LOXL2: variants seen among roughly 807,000 people sequenced by gnomAD.
LOXL2 encodes lysyl oxidase homolog 2.
A neutral mutation model predicts 93.0 loss-of-function variants in LOXL2; 70 were observed. That is an observed-to-expected ratio of 0.75 (90% CI 0.62 to 0.92). The LOEUF is 0.92. Ranked by LOEUF, LOXL2 falls within the 40% of genes least tolerant of loss-of-function variation. The pLI, the probability that LOXL2 is intolerant of heterozygous loss-of-function variation, is 0.00. For missense variants in LOXL2, 973 were observed against 1,054.9 expected, an observed-to-expected ratio of 0.92 and a Z score of 1.08; for synonymous variants, 438 against 413.2, an observed-to-expected ratio of 1.06 and a Z score of -0.73.
chr8:23,316,126 GT>G (rs1803397990), intron 9 of LOXL2, among the ~76,000 whole-genome samples: 1 of 152,212 alleles, frequency 6.6e-6, no homozygotes, highest in African/African-American at 2.4e-5. Context: ...CGCAGCTGCT[GT>G]TCAATCCCGC....
chr8:23,387,181 G>C (rs1364571311), intron 1 of LOXL2, among the ~76,000 whole-genome samples: 1 of 152,196 alleles, frequency 6.6e-6, no homozygotes, highest in East Asian at 1.9e-4. Flanking sequence ...CCCCAATATG[G>C]TCTCACTGGG....
At chr8:23,346,128 A>T (rs1372184979) in intron 3 of LOXL2, among the ~76,000 whole-genome samples, 1 of 37,986 alleles carries the variant, frequency 2.6e-5, no homozygotes, top group Non-Finnish European at 4.6e-5. Context: ...AAAATAAAAT[A>T]AAATAAAATA....
At chr8:23,396,073 C>T (rs569112894) in intron 1 of LOXL2, among the ~76,000 whole-genome samples, 5 of 152,080 alleles carry the variant, frequency 3.3e-5, no homozygotes, top group Non-Finnish European at 4.4e-5. Context: ...CCTGTAATTC[C>T]AGCACTTTGG....
intron 1 of LOXL2, among the ~76,000 whole-genome samples, chr8:23,396,894 G>C (rs910428055): frequency 6.6e-6 from 1 of 152,146 alleles, no homozygotes; most frequent in African/African-American, 2.4e-5. Flanking sequence ...TCCATAACAG[G>C]CATTTGTACA....
At chr8:23,340,299 G>T (rs1319421391) in intron 4 of LOXL2, among the ~76,000 whole-genome samples, 1 of 152,174 alleles carries the variant, frequency 6.6e-6, no homozygotes, top group Non-Finnish European at 1.5e-5. Context: ...TCATTATTAA[G>T]AGGAGGGAGG....
At position 23,368,287 on chromosome 8, in the gene LOXL2, AG is replaced by A; in HGVS notation, c.64del (p.Leu22Ter). On this transcript the variant is annotated frameshift_variant, in exon 2 of 14. Coordinates refer to ENST00000389131, the MANE Select transcript of LOXL2 (RefSeq NM_002318.3). LOFTEE classifies it high-confidence loss of function. ...CCAGCTGTCATACTGTGCCAGGCTC[AG>A]GGGGGACAGGAGGGCCAGCATAGCC... ...CLAMLALLSP[L>X]SLAQYDSWPH... 1 of 1,613,530 alleles carries A rather than the reference AG, an allele frequency of 6.2e-7. No individual in the cohort carries two copies.
At position 23,341,216 on chromosome 8, in the gene LOXL2, A is replaced by T. The variant is rs1213835650; in HGVS notation, c.532-13T>A. The T allele has an allele frequency of 6.2e-7, 1 of 1,605,404 alleles. No homozygotes were observed. Among genetic ancestry groups the T allele is most frequent in the Non-Finnish European group, 8.5e-7 (1 of 1,173,540 alleles). ...GGATATTCAGGTTCTGGGAAGAAAG[A>T]GGCGTGGAAGGAGAGGGTTACCCTA... On this transcript the variant is annotated splice_polypyrimidine_tract_variant and intron_variant, in intron 3 of 13. Transcript: ENST00000389131.
At chr8:23,306,787 T>G (rs1234038946) in intron 10 of LOXL2, among the ~76,000 whole-genome samples, 1 of 152,276 alleles carries the variant, frequency 6.6e-6, no homozygotes, top group Non-Finnish European at 1.5e-5. Context: ...GAGCCTGTTG[T>G]GCATCTGTGC....
At chr8:23,340,219 G>A (rs561310419) in intron 4 of LOXL2, among the ~76,000 whole-genome samples, 3 of 152,148 alleles carry the variant, frequency 2.0e-5, no homozygotes, top group Non-Finnish European at 2.9e-5. Context: ...GTGGTGGTGC[G>A]AGGATTAAAT....
Position 23,319,951 on chromosome 8 carries a change from C to A in LOXL2, c.1404G>T (p.Trp468Cys). The change falls in exon 8 of 14, where the codon TGG (tryptophan) becomes TGT (cysteine). Residue 468 changes from tryptophan (W) to cysteine (C), a missense_variant. Transcript: ENST00000389131. The part of the protein sequence containing the change: ...LVWGMVCGQN[W>C]GIVEAMVVCR... ...AGACCACCATGGCCTCCACGATGCC[C>A]CAGTTTTGGCCACACACCATCCCCC... 1 of 1,614,080 alleles carries A rather than the reference C, an allele frequency of 6.2e-7. No individual in the cohort carries two copies. Among genetic ancestry groups the A allele is most frequent in the Non-Finnish European group, 8.5e-7 (1 of 1,179,974 alleles).
chr8:23,339,540 G>T (rs1803847039), intron 4 of LOXL2, among the ~76,000 whole-genome samples: 1 of 152,232 alleles, frequency 6.6e-6, no homozygotes, highest in Non-Finnish European at 1.5e-5. Context: ...TTGGGAGATG[G>T]CTTCCAAACG....
chr8:23,314,219 G>C (rs1301706875), intron 9 of LOXL2, among the ~76,000 whole-genome samples: 1 of 150,094 alleles, frequency 6.7e-6, no homozygotes, highest in Non-Finnish European at 1.5e-5. Context: ...TTCAACCATT[G>C]TGGAAGTCAG....
At chr8:23,319,385 G>A (rs1803456407) in intron 8 of LOXL2, among the ~76,000 whole-genome samples, 1 of 152,136 alleles carries the variant, frequency 6.6e-6, no homozygotes, top group African/African-American at 2.4e-5. Context: ...GACAAGGCTT[G>A]GAGATTCCCT....
chr8:23,329,822 G>T (rs1003669069), intron 5 of LOXL2, among the ~76,000 whole-genome samples: 4 of 152,176 alleles, frequency 2.6e-5, no homozygotes, highest in Admixed American at 2.0e-4. Context: ...AAGCATTCAT[G>T]TCCACCAGCT....
At chr8:23,402,231 GCACA>G (rs61591482) in intron 1 of LOXL2, among the ~76,000 whole-genome samples, 30,312 of 151,786 alleles carry the variant, frequency 0.2, 3,168 homozygotes, top group East Asian at 0.31. Flanking sequence ...ACACACCGGT[GCACA>G]CACATACACA....
rs1227335251 is a variant in LOXL2 at position 23,325,571 on chromosome 8, CGT to C, written c.1150+2809_1150+2810del. Reference sequence around the variant, plus strand: ...CTTCCCAAAGTCCTGGGATTACAGGCGTGAGTCCTGTTCTGTTTCTATCAGAC... The same window carrying C: ...CTTCCCAAAGTCCTGGGATTACAGGCGAGTCCTGTTCTGTTTCTATCAGAC... On this transcript the variant is annotated intron_variant, in intron 6 of 13. Transcript: ENST00000389131. Among the ~76,000 whole-genome samples the C allele has an allele frequency of 3.3e-5, 5 of 152,318 alleles. No homozygotes were observed. In the East Asian group the frequency reaches 9.6e-4, roughly 29 times the overall value.
intron 3 of LOXL2, among the ~76,000 whole-genome samples, chr8:23,347,922 C>T (rs1804020685): frequency 6.6e-6 from 1 of 152,258 alleles, no homozygotes; most frequent in Non-Finnish European, 1.5e-5. Context: ...TACTGCAGCA[C>T]TATTCACAAT....
intron 10 of LOXL2, among the ~76,000 whole-genome samples, chr8:23,307,436 A>C (rs1803246779): frequency 6.6e-6 from 1 of 152,122 alleles, no homozygotes; most frequent in South Asian, 2.1e-4. Flanking sequence ...CAAAGAAATA[A>C]AATAGACCAC....
chr8:23,348,834 G>T (rs577148039), intron 3 of LOXL2, among the ~76,000 whole-genome samples: 1 of 151,918 alleles, frequency 6.6e-6, no homozygotes, highest in Non-Finnish European at 1.5e-5. Flanking sequence ...CTGAGATCAC[G>T]ACACTGCACC....
Sources: gnomAD v4.1 joint callset for allele counts (sites outside exome capture counted in the v4.1 genomes callset) on GRCh38, gnomAD v4.1.1 for gene constraint, MANE v1.5 for transcripts, NCBI Gene and HGNC (gene_info 2026-07-23, HGNC 2026-07-21) for gene names.